The following PDE12 variants were observed in gnomAD, a reference collection of about 807,000 sequenced individuals.
PDE12 encodes the protein 2',5'-phosphodiesterase 12.
In PDE12, 26 loss-of-function variants were observed where a neutral mutation model predicts 45.4. The ratio of observed to expected loss-of-function variants is 0.57; its 90% CI spans 0.42 to 0.79. The LOEUF is 0.79. Ranked by LOEUF, PDE12 falls within the 30% of genes least tolerant of loss-of-function variation. The pLI, the probability that PDE12 is intolerant of heterozygous loss-of-function variation, is 0.00. For synonymous variants in PDE12, 283 were observed against 323.9 expected, an observed-to-expected ratio of 0.87 and a Z score of 1.36; for missense variants, 668 against 790.0, an observed-to-expected ratio of 0.85 and a Z score of 1.85.
At chr3:57,597,479 T>G in the PDE12 span, 1 of 202,678 alleles carries the variant, frequency 4.9e-6, no homozygotes, top group African/African-American at 2.4e-5. Context: ...CCCCTGCGCT[T>G]CCGGTGCGCC....
chr3:57,656,395 T>C, the PDE12 span, among the ~76,000 whole-genome samples: 1 of 152,226 alleles, frequency 6.6e-6, no homozygotes, highest in Non-Finnish European at 1.5e-5. Flanking sequence ...CCATGTGCAT[T>C]CATGTATTAC....
At chr3:57,600,583 G>C in the PDE12 span, among the ~76,000 whole-genome samples, 1 of 151,764 alleles carries the variant, frequency 6.6e-6, no homozygotes, top group Non-Finnish European at 1.5e-5. Context: ...ATTTTTGGTA[G>C]AGTTGGCGTT....
chr3:57,608,278 A>G, the PDE12 span, among the ~76,000 whole-genome samples: 1 of 152,206 alleles, frequency 6.6e-6, no homozygotes, highest in African/African-American at 2.4e-5. Context: ...AGCCACTGCA[A>G]AAACATGCCA....
At chr3:57,629,684 T>A in the PDE12 span, among the ~76,000 whole-genome samples, 1 of 150,646 alleles carries the variant, frequency 6.6e-6, no homozygotes, top group Non-Finnish European at 1.5e-5. Context: ...GCTAATTTTT[T>A]TTTTTTTTTT....
At chr3:57,598,957 G>A in the PDE12 span, among the ~76,000 whole-genome samples, 1 of 152,186 alleles carries the variant, frequency 6.6e-6, no homozygotes, top group Admixed American at 6.5e-5. Context: ...CCCAAAATAT[G>A]AGACAGGCCT....
chr3:57,589,859 G>A, the PDE12 span, among the ~76,000 whole-genome samples: 669 of 151,916 alleles, frequency 4.4e-3, 3 homozygotes, highest in Admixed American at 7.0e-3. Flanking sequence ...TTAGGAGGCC[G>A]AGGAGGGTGG....
At chr3:57,609,788 C>G in the PDE12 span, among the ~76,000 whole-genome samples, 3 of 152,206 alleles carry the variant, frequency 2.0e-5, no homozygotes, top group East Asian at 5.8e-4. Flanking sequence ...GATTCACAGC[C>G]GAATTCTACC....
At chr3:57,633,506 T>C in the PDE12 span, 2 of 675,624 alleles carry the variant, frequency 3.0e-6, no homozygotes, top group Non-Finnish European at 5.0e-6. Flanking sequence ...GTGAAGTTCA[T>C]TGTGCAATAT....
the PDE12 span, chr3:57,572,145 T>A: frequency 7.9e-7 from 1 of 1,261,814 alleles, no homozygotes; most frequent in Admixed American, 1.7e-5. Flanking sequence ...AGATACAAAC[T>A]AATTTTGTTG....
At chr3:57,605,895 GAAGAA>G in the PDE12 span, among the ~76,000 whole-genome samples, 1 of 152,010 alleles carries the variant, frequency 6.6e-6, no homozygotes, top group African/African-American at 2.4e-5. Flanking sequence ...AAACTACACA[GAAGAA>G]AAGATTAATA....
At chr3:57,645,410 G>C in the PDE12 span, among the ~76,000 whole-genome samples, 1 of 152,092 alleles carries the variant, frequency 6.6e-6, no homozygotes, top group East Asian at 1.9e-4. Flanking sequence ...GCAGTGAGCC[G>C]AGATCATGCC....
At chr3:57,603,988 G>A in the PDE12 span, among the ~76,000 whole-genome samples, 5 of 148,730 alleles carry the variant, frequency 3.4e-5, no homozygotes, top group African/African-American at 1.2e-4. Flanking sequence ...GCAGTGGCAC[G>A]ACCTCAGCTT....
At chr3:57,573,201 C>CAAAA in the PDE12 span, among the ~76,000 whole-genome samples, 1 of 125,800 alleles carries the variant, frequency 7.9e-6, no homozygotes, top group Non-Finnish European at 1.6e-5. Context: ...GACTCCATCT[C>CAAAA]AAAAAAAAAA....
downstream of PDE12, among the ~76,000 whole-genome samples, chr3:57,569,077 T>C (rs893545221): frequency 6.6e-6 from 1 of 152,148 alleles, no homozygotes; most frequent in Non-Finnish European, 1.5e-5. Flanking sequence ...AGAACTCTTA[T>C]TGCTTGACCA....
the PDE12 span, among the ~76,000 whole-genome samples, chr3:57,612,571 G>T: frequency 6.6e-6 from 1 of 152,016 alleles, no homozygotes; most frequent in African/African-American, 2.4e-5. Context: ...AGGAGATTGA[G>T]ACCATCCTGA....
At chr3:57,656,248 A>T in the PDE12 span, among the ~76,000 whole-genome samples, 2 of 152,204 alleles carry the variant, frequency 1.3e-5, no homozygotes. Flanking sequence ...TATCTTTTCC[A>T]GAACATCATA....
Position 57,561,800 on chromosome 3 carries a change from T to C in PDE12, c.*1796T>C, listed in dbSNP as rs112151117. ...TTCATATTCTGCTCACTATCAAATGTATTGTTAACACTTAGTAAGTTTGAA... is the reference window on the plus strand; with the variant it reads ...TTCATATTCTGCTCACTATCAAATGCATTGTTAACACTTAGTAAGTTTGAA... On this transcript the variant is annotated 3_prime_UTR_variant, in exon 3 of 3. Transcript: ENST00000311180. 2,232 of 984,428 alleles carry C rather than the reference T, an allele frequency of 2.3e-3. 25 individuals are homozygous for C. The African/African-American group carries it at 0.036, about 16-fold the overall frequency. 61.0% of individuals were successfully genotyped at this position (984,428 alleles called of 1,614,324 possible).
the PDE12 span, chr3:57,584,263 T>C: frequency 9.8e-7 from 1 of 1,015,750 alleles, no homozygotes; most frequent in South Asian, 1.5e-5. Flanking sequence ...ACACCCGGCC[T>C]GTTTTAAAAG....
At chr3:57,643,838 A>C in the PDE12 span, among the ~76,000 whole-genome samples, 2 of 151,494 alleles carry the variant, frequency 1.3e-5, no homozygotes, top group Admixed American at 6.6e-5. Context: ...AAAAAAAAAA[A>C]AAAACTGTAC....
Sources: gnomAD v4.1 joint callset for allele counts (sites outside exome capture counted in the v4.1 genomes callset) on GRCh38, gnomAD v4.1.1 for gene constraint, MANE v1.5 for transcripts, NCBI Gene and HGNC (gene_info 2026-07-23, HGNC 2026-07-21) for gene names.